Variants in FAM222A observed in about 807,000 individuals in gnomAD.
FAM222A encodes the protein family with sequence similarity 222 member A, also known as protein FAM222A.
In FAM222A, 7 loss-of-function variants were observed where a neutral mutation model predicts 25.8. The observed-to-expected ratio is 0.27, with a 90% CI of 0.15 to 0.51. FAM222A has a LOEUF of 0.51. Ranked by LOEUF, FAM222A falls within the 20% of genes least tolerant of loss-of-function variation. The pLI is 0.97. For synonymous variants in FAM222A, 294 were observed against 298.8 expected (o/e 0.98, Z 0.17); for missense variants, 573 against 640.5 (o/e 0.89, Z 1.14).
chr12:109,756,702 C>CTTGGTCATGGTAT (rs1888743234), intron 2 of FAM222A, among the ~76,000 whole-genome samples: 1 of 152,174 alleles, frequency 6.6e-6, no homozygotes, highest in Non-Finnish European at 1.5e-5. Context: ...ATAAGTCCCA[C>CTTGGTCATGGTAT]TTGGTCATGG....
At chr12:109,755,286 T>C (rs1182587011) in intron 2 of FAM222A, among the ~76,000 whole-genome samples, 1 of 116,732 alleles carries the variant, frequency 8.6e-6, no homozygotes, top group Non-Finnish European at 1.8e-5. Flanking sequence ...CTGTAATTCT[T>C]CTTTTTTTTT....
chr12:109,768,192 G>T lies in FAM222A; in HGVS notation c.263G>T (p.Arg88Leu). The stretch of plus-strand genomic sequence containing the variant: ...AATGGCTATGACACCAGTGGCCAGC[G>T]CTACAGCCCCTACCCACAGCACACC... ...TVNGYDTSGQRYSPYPQHTAG... is the reference protein window; with the variant it reads ...TVNGYDTSGQLYSPYPQHTAG... Residue 88 changes from arginine to leucine, a missense_variant, in exon 3 of 3, where the codon CGC becomes CTC. This residue lies in a region of FAM222A where 112 missense variants were observed against 154.6 expected (regional missense o/e 0.72). Coordinates refer to ENST00000538780, the MANE Select transcript of FAM222A (RefSeq NM_032829.3). 1 of 1,613,236 alleles carries T rather than the reference G, an allele frequency of 6.2e-7. No homozygotes were observed. Among genetic ancestry groups the T allele is most frequent in the Non-Finnish European group, 8.5e-7 (1 of 1,179,862 alleles).
chr12:109,756,937 T>C (rs1888749093), intron 2 of FAM222A, among the ~76,000 whole-genome samples: 1 of 152,226 alleles, frequency 6.6e-6, no homozygotes, highest in Non-Finnish European at 1.5e-5. Context: ...AAATGCTTGG[T>C]AGAATTCACC....
chr12:109,735,447 C>T (rs1407116386), intron 1 of FAM222A: 1 of 152,256 alleles, frequency 6.6e-6, no homozygotes, highest in Non-Finnish European at 1.5e-5. Context: ...AAAATAAAAG[C>T]TAGCTCTTAT....
intron 2 of FAM222A, among the ~76,000 whole-genome samples, chr12:109,756,442 A>C (rs1464395300): frequency 6.7e-6 from 1 of 149,262 alleles, no homozygotes; most frequent in Non-Finnish European, 1.5e-5. Context: ...TTTTAGTACA[A>C]TATTGAATAG....
chr12:109,752,453 G>T (rs1888589773), intron 2 of FAM222A, among the ~76,000 whole-genome samples: 1 of 151,598 alleles, frequency 6.6e-6, no homozygotes, highest in Non-Finnish European at 1.5e-5. Context: ...GTTCTTGGGT[G>T]ATATGGCCCA....
At chr12:109,766,589 G>A (rs1417959864) in intron 2 of FAM222A, among the ~76,000 whole-genome samples, 1 of 152,218 alleles carries the variant, frequency 6.6e-6, no homozygotes, top group Non-Finnish European at 1.5e-5. Flanking sequence ...AGGTGGGCAG[G>A]GGGTCATCAT....
At chr12:109,765,778 G>A (rs1043455035) in intron 2 of FAM222A, among the ~76,000 whole-genome samples, 1 of 152,230 alleles carries the variant, frequency 6.6e-6, no homozygotes, top group Admixed American at 6.5e-5. Flanking sequence ...TCTATCCCCA[G>A]CTGCGATGCC....
chr12:109,727,548 G>A (rs1887865937), intron 1 of FAM222A, among the ~76,000 whole-genome samples: 1 of 152,210 alleles, frequency 6.6e-6, no homozygotes, highest in African/African-American at 2.4e-5. Context: ...CTGTGTGCCA[G>A]CCCTGAGCCC....
intron 2 of FAM222A, among the ~76,000 whole-genome samples, chr12:109,766,769 C>T (rs771480943): frequency 2.0e-5 from 3 of 152,168 alleles, no homozygotes; most frequent in Non-Finnish European, 4.4e-5. Context: ...CATGGTCTCA[C>T]GGATAAATGG....
At chr12:109,715,855 A>G (rs1887632931) in intron 1 of FAM222A, among the ~76,000 whole-genome samples, 1 of 152,184 alleles carries the variant, frequency 6.6e-6, no homozygotes, top group African/African-American at 2.4e-5. Context: ...GGGTCCCCAG[A>G]GAGATGTGGG....
chr12:109,720,250 G>A, intron 1 of FAM222A: 1 of 935,106 alleles, frequency 1.1e-6, no homozygotes, highest in African/African-American at 1.8e-5. Flanking sequence ...GAGGTCAGGG[G>A]GTGAGGCCGA....
At chr12:109,718,133 C>T (rs1887678049) in intron 1 of FAM222A, among the ~76,000 whole-genome samples, 1 of 152,230 alleles carries the variant, frequency 6.6e-6, no homozygotes, top group Admixed American at 6.5e-5. Context: ...ACACAGTATA[C>T]AGTAAGCACT....
intron 1 of FAM222A, among the ~76,000 whole-genome samples, chr12:109,723,174 G>A (rs886689618): frequency 6.6e-6 from 1 of 152,132 alleles, no homozygotes; most frequent in African/African-American, 2.4e-5. Context: ...GGATGGGAGG[G>A]GTGCAGGCCA....
At chr12:109,762,555 C>T (rs776310235) in intron 2 of FAM222A, among the ~76,000 whole-genome samples, 7 of 152,222 alleles carry the variant, frequency 4.6e-5, no homozygotes, top group Non-Finnish European at 8.8e-5. Flanking sequence ...AGCCCGCTGG[C>T]TCACCCACTT....
chr12:109,725,812 G>C (rs1458856169), intron 1 of FAM222A, among the ~76,000 whole-genome samples: 1 of 151,972 alleles, frequency 6.6e-6, no homozygotes, highest in Admixed American at 6.6e-5. Flanking sequence ...TGTCTGTTTC[G>C]TCTCATTTGT....
chr12:109,723,536 T>C (rs953803706), intron 1 of FAM222A, among the ~76,000 whole-genome samples: 1 of 149,028 alleles, frequency 6.7e-6, no homozygotes, highest in African/African-American at 2.6e-5. Context: ...GCCAGACTGG[T>C]GATTAGCTCC....
Position 109,739,617 on chromosome 12 carries a change from C to T in FAM222A, c.-46-4484C>T, listed in dbSNP as rs1888181527. Among the ~76,000 whole-genome samples, 4 of 152,278 alleles carry T rather than the reference C, an allele frequency of 2.6e-5. No individual in the cohort carries two copies. The South Asian group carries it at 8.3e-4, about 32-fold the overall frequency. ...TCCTCTCACCCCTTCCTTCTGTGAT[C>T]CCAGCCCCTCCCACAGTAGAATCAA... On this transcript the variant is annotated intron_variant, in intron 1 of 2. Coordinates refer to ENST00000538780, the MANE Select transcript of FAM222A (RefSeq NM_032829.3).
chr12:109,733,091 G>A (rs1045325935), intron 1 of FAM222A, among the ~76,000 whole-genome samples: 2 of 152,206 alleles, frequency 1.3e-5, no homozygotes, highest in African/African-American at 2.4e-5. Flanking sequence ...GGTGTGAATG[G>A]GGAAATGGAG....
Sources: allele counts gnomAD v4.1 joint callset (sites outside exome capture counted in the v4.1 genomes callset), GRCh38; gene constraint gnomAD v4.1.1; regional missense constraint gnomAD v4.1.1; transcripts MANE v1.5; gene names NCBI Gene and HGNC (gene_info 2026-07-23, HGNC 2026-07-21).